DYNC1I2: variants seen among roughly 807,000 people sequenced by gnomAD.
DYNC1I2 encodes dynein cytoplasmic 1 intermediate chain 2, also known as cytoplasmic dynein 1 intermediate chain 2.
In DYNC1I2, 53 loss-of-function variants were observed where a neutral mutation model predicts 88.6. The observed-to-expected ratio is 0.60, with a 90% CI of 0.48 to 0.75. The LOEUF (loss-of-function observed/expected upper bound fraction) is 0.75, where lower values mean the gene tolerates loss of function less well. DYNC1I2 is among the 30% of genes least tolerant of loss of function. The probability of loss-of-function intolerance (pLI) is 0.00; values close to 1 mark genes in which losing one functional copy is unlikely to be tolerated. For synonymous variants in DYNC1I2, 198 were observed against 254.6 expected (o/e 0.78, Z 2.12); for missense variants, 458 against 766.6 (o/e 0.60, Z 4.75).
At chr2:171,692,599 T>C (rs1341663037) in intron 2 of DYNC1I2, among the ~76,000 whole-genome samples, 178 bp from the exon 3 acceptor site, 1 of 152,132 alleles carries the variant, frequency 6.6e-6, no homozygotes, top group African/African-American at 2.4e-5. Flanking sequence ...TGAAGGTTAT[T>C]TACTAGAACT....
chr2:171,718,655 G>A (rs895468265), intron 7 of DYNC1I2, among the ~76,000 whole-genome samples: 2 of 151,490 alleles, frequency 1.3e-5, no homozygotes, highest in Non-Finnish European at 1.5e-5. Context: ...GGATGGTCTC[G>A]ATCTCCTGAC....
intron 3 of DYNC1I2, among the ~76,000 whole-genome samples, chr2:171,699,825 T>C (rs1385363948): frequency 2.0e-5 from 3 of 151,832 alleles, no homozygotes; most frequent in Non-Finnish European, 4.4e-5. Flanking sequence ...TTTTTTTGTA[T>C]AGATGGGGTC....
At chr2:171,730,811 C>A (rs186757652) in intron 15 of DYNC1I2, among the ~76,000 whole-genome samples, 1 of 152,092 alleles carries the variant, frequency 6.6e-6, no homozygotes, top group Non-Finnish European at 1.5e-5. Flanking sequence ...GTAAGAAAAC[C>A]TAATGTAAGA....
chr2:171,711,018 C>A (rs1454567110), intron 5 of DYNC1I2, among the ~76,000 whole-genome samples: 1 of 142,868 alleles, frequency 7.0e-6, no homozygotes, highest in South Asian at 2.5e-4. Context: ...TCCCTCCCCC[C>A]TCCCCTCACC....
chr2:171,717,410 C>T (rs113568155), intron 7 of DYNC1I2, among the ~76,000 whole-genome samples: 1,731 of 152,186 alleles, frequency 0.011, 20 homozygotes, highest in African/African-American at 0.035. Context: ...CTACTGTGCC[C>T]GGCCATGTCC....
intron 17 of DYNC1I2, 87 bp downstream of exon 17, chr2:171,746,014 G>A: frequency 6.9e-7 from 1 of 1,449,296 alleles, no homozygotes; most frequent in Admixed American, 1.8e-5. Flanking sequence ...TAGGCTTTGA[G>A]GTTTATGAGT....
chr2:171,688,040 A>G (rs547235447), intron 1 of DYNC1I2: 5 of 151,842 alleles, frequency 3.3e-5, no homozygotes, highest in African/African-American at 1.2e-4. Flanking sequence ...AGAGGAGTCC[A>G]CTCCTTTCCC....
At chr2:171,736,922 C>T (rs547617155) in intron 15 of DYNC1I2, among the ~76,000 whole-genome samples, 1 of 152,286 alleles carries the variant, frequency 6.6e-6, no homozygotes, top group South Asian at 2.1e-4. Context: ...TAATCTAGAA[C>T]TCCCCGCTTA....
chr2:171,747,916 G>T lies in DYNC1I2; in HGVS notation c.*27G>T. The T allele has an allele frequency of 6.7e-7, 1 of 1,499,940 alleles. No homozygotes were observed. Among genetic ancestry groups the T allele is most frequent in the Non-Finnish European group, 9.2e-7 (1 of 1,081,906 alleles). The allele number at this position is 1,499,940 out of a possible 1,614,324, so 92.9% of individuals were successfully genotyped here. On this transcript the variant is annotated 3_prime_UTR_variant, in exon 18 of 18. Transcript: ENST00000397119. ...TCCTGAAAAGGGGAGTGTAACTAGTGGATTTGGGAAAGGTTCTTAAGTAGA... is the reference window on the plus strand; with the variant it reads ...TCCTGAAAAGGGGAGTGTAACTAGTTGATTTGGGAAAGGTTCTTAAGTAGA...
chr2:171,730,863 A>C (rs1053105819), intron 15 of DYNC1I2, among the ~76,000 whole-genome samples: 1 of 152,166 alleles, frequency 6.6e-6, no homozygotes, highest in Non-Finnish European at 1.5e-5. Context: ...TTATTTATCA[A>C]GTGTTGGCCT....
intron 7 of DYNC1I2, 66 bp downstream of exon 7, chr2:171,715,509 C>T: frequency 3.8e-6 from 4 of 1,055,516 alleles, no homozygotes; most frequent in South Asian, 3.9e-5. Flanking sequence ...TTCTTTTTTT[C>T]TTCCTTTGAT....
At chr2:171,705,355 C>T (rs567239218) in intron 3 of DYNC1I2, among the ~76,000 whole-genome samples, 3 of 152,088 alleles carry the variant, frequency 2.0e-5, no homozygotes, top group East Asian at 3.9e-4. Flanking sequence ...GCATGTTAAA[C>T]TGAAAAAGAA....
chr2:171,724,812 G>A (rs1688128323), intron 7 of DYNC1I2, among the ~76,000 whole-genome samples: 1 of 152,098 alleles, frequency 6.6e-6, no homozygotes, highest in Non-Finnish European at 1.5e-5. Flanking sequence ...AAGAAAAGGT[G>A]GGCAGGGTTA....
In DYNC1I2 at chr2:171,728,812, T is replaced by C; in HGVS notation, c.1353T>C (p.Ser451=). Residue 451 remains serine (S), a synonymous_variant, in exon 14 of 18, where the codon AGT becomes AGC. Coordinates refer to ENST00000397119, the MANE Select transcript of DYNC1I2 (RefSeq NM_001378.3). ...VGDVNNFVVG[S]EEGSVYTACR... ...ATGTCAACAACTTTGTTGTTGGGAG[T>C]GAAGAAGGTTCTGTGTACACAGCAT... 1 of 1,611,206 alleles carries C rather than the reference T, an allele frequency of 6.2e-7. No individual in the cohort carries two copies. The highest frequency in any genetic ancestry group is 1.3e-5 in the African/African-American group (1 of 74,934).
intron 3 of DYNC1I2, among the ~76,000 whole-genome samples, chr2:171,698,754 A>G (rs930330775): frequency 6.6e-6 from 1 of 152,084 alleles, no homozygotes; most frequent in Admixed American, 6.5e-5. Context: ...CTGTGGTCCT[A>G]GCTACTTGGG....
Position 171,728,725 on chromosome 2 carries a change from G to T in DYNC1I2, c.1266G>T (p.Met422Ile). ...CAGGTTTTTCTATGTAGGATAGCAT[G>T]GAGTTGGTTCATAAACAGTCAAAAG... ...LDMLSHPQDS[M>I]ELVHKQSKAV... The change falls in exon 14 of 18, where the codon ATG becomes ATT. Residue 422 changes from methionine (M) to isoleucine (I), a missense_variant. Physicochemically the swap from Met to Ile is conservative, Grantham distance 10. Coordinates refer to ENST00000397119, the MANE Select transcript of DYNC1I2 (RefSeq NM_001378.3). 6.3e-7 allele frequency: 1 copy of T among 1,592,294 alleles called. No homozygotes were observed. Among genetic ancestry groups the T allele is most frequent in the Non-Finnish European group, 8.5e-7 (1 of 1,171,478 alleles).
At chr2:171,698,730 G>A (rs987663390) in intron 3 of DYNC1I2, among the ~76,000 whole-genome samples, 32 of 152,016 alleles carry the variant, frequency 2.1e-4, no homozygotes, top group African/African-American at 5.8e-4. Context: ...TTAGCCGAGT[G>A]TGGTGGTGGG....
intron 7 of DYNC1I2, among the ~76,000 whole-genome samples, chr2:171,723,288 G>T (rs746613678): frequency 2.6e-5 from 4 of 152,146 alleles, no homozygotes; most frequent in Non-Finnish European, 4.4e-5. Context: ...AGAATGACCT[G>T]TCCTGGGTGA....
chr2:171,715,529 G>A, intron 7 of DYNC1I2, 86 bp downstream of exon 7: 1 of 964,314 alleles, frequency 1.0e-6, no homozygotes, highest in African/African-American at 1.7e-5. Flanking sequence ...TTTTTGTTTT[G>A]TTTCTTTTTT....
Sources: gnomAD v4.1 joint callset for allele counts (sites outside exome capture counted in the v4.1 genomes callset) on GRCh38, gnomAD v4.1.1 for gene constraint, MANE v1.5 for transcripts, NCBI Gene and HGNC (gene_info 2026-07-23, HGNC 2026-07-21) for gene names.